The following RAP1GAP variants were observed in gnomAD, a reference collection of about 807,000 sequenced individuals.
RAP1GAP encodes the protein rap1 GTPase-activating protein 1.
RAP1GAP carries 35 observed loss-of-function variants against 87.2 expected under a neutral mutation model. The ratio of observed to expected loss-of-function variants is 0.40; its 90% CI spans 0.31 to 0.53. The LOEUF is 0.53. Ranked by LOEUF, RAP1GAP falls within the 20% of genes least tolerant of loss-of-function variation. The pLI, the probability that RAP1GAP is intolerant of heterozygous loss-of-function variation, is 0.48. For synonymous variants in RAP1GAP, 375 were observed against 363.9 expected (o/e 1.03, Z -0.35); for missense variants, 734 against 898.9 (o/e 0.82, Z 2.35).
At chr1:21,635,932 C>G (rs1033480679) in intron 2 of RAP1GAP, among the ~76,000 whole-genome samples, 6 of 152,238 alleles carry the variant, frequency 3.9e-5, no homozygotes, top group Non-Finnish European at 7.3e-5. Context: ...AAACTGGAAA[C>G]TGAGTTCACC....
intron 1 of RAP1GAP, among the ~76,000 whole-genome samples, chr1:21,667,100 A>C (rs1357662426): frequency 1.3e-5 from 2 of 151,934 alleles, no homozygotes; most frequent in Admixed American, 6.6e-5. Context: ...GGTTGTTTGC[A>C]CAGCACATGC....
chr1:21,634,063 G>A lies in RAP1GAP; in HGVS notation c.-112-7666C>T, dbSNP rs1396649071. On this transcript the variant is annotated intron_variant, in intron 2 of 24. Coordinates refer to ENST00000374765, the MANE Select transcript of RAP1GAP (RefSeq NM_002885.4). The surrounding 1 kb of genome is among the most constrained non-coding windows in gnomAD (Gnocchi z 4.1). ...GCCCCAGAACTGCCCCCTCCCGGGG[G>A]GGGGGGGGGGCCACAGAAGCCCATT... Among the ~76,000 whole-genome samples the A allele has an allele frequency of 7.9e-5, 2 of 25,254 alleles. No individual in the cohort carries two copies. The highest frequency in any genetic ancestry group is 3.7e-4 in the Non-Finnish European group (2 of 5,424). 16.6% of individuals were successfully genotyped at this position (25,254 alleles called of 152,430 possible).
intron 3 of RAP1GAP, among the ~76,000 whole-genome samples, chr1:21,621,387 C>A (rs149954883): frequency 0.015 from 2,308 of 152,238 alleles, 68 homozygotes; most frequent in African/African-American, 0.051. Flanking sequence ...GGATGAGGGC[C>A]ACGGTCTAAA....
intron 21 of RAP1GAP, 147 bp downstream of exon 21, chr1:21,599,347 G>T: frequency 8.7e-7 from 1 of 1,154,022 alleles, no homozygotes; most frequent in Non-Finnish European, 1.2e-6. Context: ...AGCAGGGGAG[G>T]GTTCGTCTGC....
Position 21,613,442 on chromosome 1 carries a change from C to A in RAP1GAP, c.474+186G>T, listed in dbSNP as rs914626253. On this transcript the variant is annotated intron_variant, in intron 9 of 24. Transcript: ENST00000374765. This position sits in a 1 kb window ranked among gnomAD's most constrained non-coding sequence, Gnocchi z 4.7. ...AAACCAAAAGCACACAGGCAGGGGA[C>A]GGGGGCCTAGGAGAACACGTGGCAG... is the stretch of plus-strand genomic sequence containing the variant. Among the ~76,000 whole-genome samples, 2 of 152,036 alleles carry A rather than the reference C, an allele frequency of 1.3e-5. No homozygotes were observed. Among genetic ancestry groups the A allele is most frequent in the Non-Finnish European group, 2.9e-5 (2 of 68,024 alleles).
rs546836964 is a variant in RAP1GAP, at chr1:21,609,836, T to C, written c.1000-190A>G. Among the ~76,000 whole-genome samples, 12 of 152,152 alleles carry C rather than the reference T, an allele frequency of 7.9e-5. No individual in the cohort carries two copies. The South Asian group carries it at 2.3e-3, about 29-fold the overall frequency. On this transcript the variant is annotated intron_variant, in intron 14 of 24. Coordinates refer to ENST00000374765, the MANE Select transcript of RAP1GAP (RefSeq NM_002885.4). The surrounding 1 kb of genome is among the most constrained non-coding windows in gnomAD (Gnocchi z 4.4). Reference sequence around the variant, plus strand: ...TTGCCCTGAATTTTAGTGGTGGAGATGGGTAGGGGCCTTAGGAATCATCGG... The same window carrying C: ...TTGCCCTGAATTTTAGTGGTGGAGACGGGTAGGGGCCTTAGGAATCATCGG...
At chr1:21,654,257 A>C (rs1628418) in intron 1 of RAP1GAP, among the ~76,000 whole-genome samples, 59,513 of 152,074 alleles carry the variant, frequency 0.39, 11,748 homozygotes, top group East Asian at 0.46. Context: ...GCATCATAGC[A>C]TGTGAGCCTG....
chr1:21,607,870 C>T (rs1430294425), intron 17 of RAP1GAP, among the ~76,000 whole-genome samples: 1 of 152,102 alleles, frequency 6.6e-6, no homozygotes, highest in African/African-American at 2.4e-5. Flanking sequence ...CACCCCCACG[C>T]CATGTCCATT....
intron 2 of RAP1GAP, 136 bp downstream of exon 2, chr1:21,649,625 C>T (rs2096396348): frequency 9.8e-7 from 1 of 1,018,956 alleles, no homozygotes; most frequent in South Asian, 1.5e-5. Flanking sequence ...AGGGTCTGCC[C>T]ACCCCCTTGC....
At chr1:21,618,712 G>A (rs558211067) in intron 5 of RAP1GAP, among the ~76,000 whole-genome samples, 44 of 152,288 alleles carry the variant, frequency 2.9e-4, no homozygotes, top group African/African-American at 1.0e-3. Context: ...AGAGAGGAGG[G>A]CTTTGAGTTT....
intron 2 of RAP1GAP, among the ~76,000 whole-genome samples, chr1:21,638,627 A>G (rs1294565409): frequency 6.6e-6 from 1 of 152,214 alleles, no homozygotes; most frequent in Non-Finnish European, 1.5e-5. Flanking sequence ...TACATGGCTT[A>G]TCTCTGAGAA....
At chr1:21,597,872 T>C in intron 23 of RAP1GAP, 89 bp downstream of exon 23, 1 of 1,496,612 alleles carries the variant, frequency 6.7e-7, no homozygotes, top group Non-Finnish European at 9.1e-7. Flanking sequence ...GGGGACCTCT[T>C]GGTCGAGCCT....
intron 20 of RAP1GAP, 120 bp downstream of exon 20, chr1:21,601,564 C>T: frequency 1.6e-6 from 1 of 629,248 alleles, no homozygotes; most frequent in Non-Finnish European, 2.5e-6. Flanking sequence ...TGCCCAGGTC[C>T]CCCTGACACC....
At chr1:21,663,027 C>A (rs184805077) in intron 1 of RAP1GAP, among the ~76,000 whole-genome samples, 1 of 152,330 alleles carries the variant, frequency 6.6e-6, no homozygotes, top group Admixed American at 6.5e-5. Flanking sequence ...CACTTCCCAC[C>A]CTGACTGCCA....
chr1:21,660,352 T>TATATATATATATATATATATA (rs1248298305), intron 1 of RAP1GAP, among the ~76,000 whole-genome samples: 19 of 85,862 alleles, frequency 2.2e-4, no homozygotes, highest in East Asian at 6.2e-4. Flanking sequence ...TATATATTTA[T>TATATATATATATATATATATA]TGAGACAGTC....
chr1:21,629,591 G>A (rs1467749672), intron 2 of RAP1GAP, among the ~76,000 whole-genome samples: 1 of 152,230 alleles, frequency 6.6e-6, no homozygotes, highest in Non-Finnish European at 1.5e-5. Flanking sequence ...AAGGGGCAGG[G>A]GAAGGGAGGG....
chr1:21,619,216 G>C, intron 4 of RAP1GAP, 144 bp from the exon 5 acceptor site: 1 of 803,048 alleles, frequency 1.2e-6, no homozygotes. Context: ...AGCTGGCTGG[G>C]GGCCCTGGGC....
rs138971525 is a variant in RAP1GAP at position 21,611,768 on chromosome 1, C to G, written c.661G>C (p.Val221Leu). The G allele has an allele frequency of 1.9e-6, 3 of 1,614,024 alleles. No homozygotes were observed. The highest frequency in any genetic ancestry group is 1.7e-6 in the Non-Finnish European group (2 of 1,179,962). The part of the protein sequence containing the change: ...FSTNEESPAF[V>L]EFLEFLGQKV... ...TGGCCAAGAAATTCAAGGAACTCCA[C>G]GAAAGCGGGACTTTCCTCATTGGTG... The change falls in exon 12 of 25, where the codon GTG (valine) becomes CTG (leucine). Residue 221 changes from valine (V) to leucine (L), a missense_variant. By Grantham distance (32) the Val-to-Leu change is conservative (BLOSUM62 1). Transcript: ENST00000374765.
chr1:21,651,882 GGT>G (rs1259406171), intron 1 of RAP1GAP: 1 of 1,028,544 alleles, frequency 9.7e-7, no homozygotes, highest in African/African-American at 1.7e-5. Context: ...CCCGCGCCCG[GGT>G]CACCTTGGCA....
Sources: gnomAD v4.1 joint callset for allele counts (sites outside exome capture counted in the v4.1 genomes callset) on GRCh38, gnomAD v4.1.1 for gene constraint, Gnocchi (gnomAD v3.1) non-coding constraint, MANE v1.5 for transcripts, NCBI Gene and HGNC (gene_info 2026-07-23, HGNC 2026-07-21) for gene names.